Variants in SUN1 observed in about 807,000 individuals in gnomAD.
SUN1 encodes Sad1 and UNC84 domain containing 1.
SUN1 carries 61 observed loss-of-function variants against 103.2 expected under a neutral mutation model. The observed-to-expected ratio is 0.59, with a 90% CI of 0.48 to 0.73. SUN1 has a LOEUF of 0.73. SUN1 is among the 30% of genes least tolerant of loss of function. The pLI, the probability that SUN1 is intolerant of heterozygous loss-of-function variation, is 0.00. For missense variants in SUN1, 1,052 were observed against 1,034.6 expected, an observed-to-expected ratio of 1.02 and a Z score of -0.23; for synonymous variants, 490 against 425.7, an observed-to-expected ratio of 1.15 and a Z score of -1.86.
At chr7:857,679 C>G in intron 12 of SUN1, 149 bp from the exon 13 acceptor site, 1 of 1,016,076 alleles carries the variant, frequency 9.8e-7, no homozygotes, top group Non-Finnish European at 1.3e-6. Flanking sequence ...AAACTGGCAT[C>G]CAGTTTCCAC....
In SUN1 at chr7:838,899, C is replaced by A; in HGVS notation, c.179C>A (p.Thr60Lys). The change falls in exon 2 of 19, where the codon ACG (threonine) becomes AAG (lysine). Residue 60 changes from threonine to lysine, a missense_variant. Physicochemically the swap from Thr to Lys is moderately conservative, Grantham distance 78. This residue lies in a region of SUN1 where 846 missense variants were observed against 774.5 expected (regional missense o/e 1.09). Coordinates refer to ENST00000401592, the MANE Select transcript of SUN1 (RefSeq NM_001130965.3). ...TCCCGCCGTAGTTTGCGCCTGGCCA[C>A]GACAGCATGCACCCTGGGGGATGGT... ...RMSRRSLRLA[T>K]TACTLGDGEA... 1 of 1,610,760 alleles carries A rather than the reference C, an allele frequency of 6.2e-7. No individual in the cohort carries two copies. Among genetic ancestry groups the A allele is most frequent in the Non-Finnish European group, 8.5e-7 (1 of 1,178,964 alleles).
chr7:843,023 C>T (rs952327838), intron 3 of SUN1, 183 bp from the exon 4 acceptor site: 1 of 829,296 alleles, frequency 1.2e-6, no homozygotes, highest in South Asian at 1.6e-5. Context: ...TAAGCTTTCA[C>T]CTTCAGTCAG....
chr7:859,924 G>A (rs1457665569), intron 13 of SUN1, among the ~76,000 whole-genome samples: 1 of 152,142 alleles, frequency 6.6e-6, no homozygotes, highest in Non-Finnish European at 1.5e-5. Flanking sequence ...CATCCCACGA[G>A]CTCACCTATT....
In SUN1 at chr7:874,344, G is replaced by A. The variant is rs577342091; in HGVS notation, c.*1013G>A. On this transcript the variant is annotated 3_prime_UTR_variant, in exon 19 of 19. Transcript: ENST00000401592. ...CGTGATTCTTGTGAGACTCTTTTTGGTTATAATTACTATTTAATATTTAGA... is the reference window on the plus strand; with the variant it reads ...CGTGATTCTTGTGAGACTCTTTTTGATTATAATTACTATTTAATATTTAGA... The A allele has an allele frequency of 6.6e-6, 1 of 152,656 alleles. No homozygotes were observed. Among genetic ancestry groups the A allele is most frequent in the East Asian group, 1.9e-4 (1 of 5,192 alleles). The allele number at this position is 152,656 out of a possible 1,614,324, so 9.5% of individuals were successfully genotyped here. A position where few individuals can be genotyped will look rare whatever the true frequency, so the allele number is the denominator to read the frequency against.
At chr7:846,780 G>A (rs1816247847) in intron 5 of SUN1, among the ~76,000 whole-genome samples, 2 of 152,052 alleles carry the variant, frequency 1.3e-5, no homozygotes, top group East Asian at 1.9e-4. Context: ...AGGAGGCTGA[G>A]GTGGGAGGAT....
chr7:829,536 G>T (rs1312974718), upstream of SUN1, among the ~76,000 whole-genome samples: 1 of 148,574 alleles, frequency 6.7e-6, no homozygotes, highest in African/African-American at 2.5e-5. Flanking sequence ...ACACCCAGAA[G>T]AAAAATAACT....
At chr7:846,240 C>G (rs184197019) in intron 5 of SUN1, among the ~76,000 whole-genome samples, 2 of 152,096 alleles carry the variant, frequency 1.3e-5, no homozygotes, top group South Asian at 2.1e-4. Flanking sequence ...TCCTGAGTAG[C>G]TGGGACTACA....
At chr7:824,936 G>A (rs771422907) in intron 1 of SUN1, among the ~76,000 whole-genome samples, 6 of 152,196 alleles carry the variant, frequency 3.9e-5, no homozygotes, top group Non-Finnish European at 5.9e-5. Context: ...CCCTGTGAAC[G>A]TGTCCACACC....
At chr7:849,022 G>A (rs1188400140) in intron 5 of SUN1, among the ~76,000 whole-genome samples, 2 of 152,058 alleles carry the variant, frequency 1.3e-5, no homozygotes, top group Non-Finnish European at 2.9e-5. Flanking sequence ...TGTGATCTCG[G>A]CTCACCGCAA....
chr7:854,931 G>A lies in SUN1; in HGVS notation c.1275G>A (p.Met425Ile). Residue 425 changes from methionine (M) to isoleucine (I), a missense_variant, in exon 11 of 19, where the codon ATG (methionine) becomes ATA (isoleucine). Coordinates refer to ENST00000401592, the MANE Select transcript of SUN1 (RefSeq NM_001130965.3). The stretch of plus-strand genomic sequence containing the variant: ...TTCTCTTTCCTAAGACTGACTTTAT[G>A]GCCTTTCACCAAGAACATGAAGTGC... ...VGQPPRETDF[M>I]AFHQEHEVRM... 1 of 1,612,480 alleles carries A rather than the reference G, an allele frequency of 6.2e-7. No individual in the cohort carries two copies. The highest frequency in any genetic ancestry group is 8.5e-7 in the Non-Finnish European group (1 of 1,179,350).
chr7:860,187 T>C lies in SUN1; in HGVS notation c.1584T>C (p.Gly528=). 1 of 1,614,186 alleles carries C rather than the reference T, an allele frequency of 6.2e-7. No homozygotes were observed. The highest frequency in any genetic ancestry group is 8.5e-7 in the Non-Finnish European group (1 of 1,180,010). ...TGTTTTCCGAAGATCAGCAAGGCGG[T>C]TCTCTGGAACAGCTGCTGCAGAGGT... ...KLLFSEDQQG[G]SLEQLLQRFS... is the part of the protein sequence containing the mutation. Residue 528 remains glycine (G), a synonymous_variant, in exon 14 of 19, where the codon GGT becomes GGC. Transcript: ENST00000401592.
rs926007902 is a variant in SUN1 at position 817,239 on chromosome 7, C to T, written c.-74+566C>T. 12 of 636,870 alleles carry T rather than the reference C, an allele frequency of 1.9e-5. No individual in the cohort carries two copies. In the Middle Eastern group the frequency reaches 1.3e-3, roughly 67 times the overall value. 39.5% of individuals were successfully genotyped at this position (636,870 alleles called of 1,614,324 possible). On this transcript the variant is annotated intron_variant, in intron 1 of 17. Coordinates refer to the SUN1 transcript ENST00000389574. ...CCTCCCGAAGCGCTCGGATCACAGG[C>T]GTGAGCCACCGCGCCCGGCTGATAG...
At chr7:827,979 A>G (rs1383178821), upstream of SUN1, among the ~76,000 whole-genome samples, 2 of 151,200 alleles carry the variant, frequency 1.3e-5, no homozygotes, top group African/African-American at 2.4e-5. Flanking sequence ...ATATGGGCTC[A>G]CCGCAACCTG....
At chr7:821,158 CTTTTTTTTTTTTTTT>C (rs71546461) in intron 1 of SUN1, among the ~76,000 whole-genome samples, 23 of 69,002 alleles carry the variant, frequency 3.3e-4, no homozygotes, top group African/African-American at 1.1e-3. Flanking sequence ...TTCAGCACAT[CTTTTTTTTTTTTTTT>C]TTTTTTTTTT....
intron 15 of SUN1, 83 bp from the exon 16 acceptor site, chr7:865,869 T>C (rs765664197): frequency 7.8e-6 from 9 of 1,156,046 alleles, no homozygotes; most frequent in Non-Finnish European, 1.0e-5. Flanking sequence ...GGAAACATTT[T>C]AATAAATCCT....
intron 1 of SUN1, among the ~76,000 whole-genome samples, chr7:826,682 T>C (rs1792365554): frequency 6.6e-6 from 1 of 152,200 alleles, no homozygotes; most frequent in African/African-American, 2.4e-5. Context: ...GCGGGATCCG[T>C]GTGGGCAGGT....
chr7:861,981 C>G (rs918008486), intron 15 of SUN1, among the ~76,000 whole-genome samples: 1 of 152,218 alleles, frequency 6.6e-6, no homozygotes, highest in Non-Finnish European at 1.5e-5. Context: ...GGGGCAGATG[C>G]ATTTGAAAAT....
chr7:849,054 C>A (rs907122462), intron 5 of SUN1, among the ~76,000 whole-genome samples: 4 of 152,120 alleles, frequency 2.6e-5, no homozygotes, highest in Admixed American at 1.3e-4. Context: ...TGGGTTCAAG[C>A]GATTCTCCTG....
intron 12 of SUN1, 109 bp from the exon 13 acceptor site, chr7:857,719 A>G: frequency 2.9e-6 from 4 of 1,368,464 alleles, no homozygotes; most frequent in Non-Finnish European, 3.9e-6. Context: ...ACATCTGTAC[A>G]GTTGTGACAC....
Sources: gnomAD v4.1 joint callset for allele counts (sites outside exome capture counted in the v4.1 genomes callset) on GRCh38, gnomAD v4.1.1 for gene constraint, gnomAD v4.1.1 regional missense constraint, MANE v1.5 for transcripts, NCBI Gene and HGNC (gene_info 2026-07-23, HGNC 2026-07-21) for gene names.